Variants in C10orf143 observed in about 807,000 individuals in gnomAD.
The protein encoded by C10orf143 is uncharacterized protein C10orf143.
chr10:130,045,553 G>T (rs1040363564), intron 3 of C10orf143, among the ~76,000 whole-genome samples: 1 of 152,216 alleles, frequency 6.6e-6, no homozygotes, highest in African/African-American at 2.4e-5. Context: ...ACCGCGAGGC[G>T]CCCCTGGGAG....
intron 3 of C10orf143, among the ~76,000 whole-genome samples, chr10:130,052,533 T>C (rs1204599025): frequency 6.6e-6 from 1 of 152,166 alleles, no homozygotes; most frequent in African/African-American, 2.4e-5. Context: ...AGACCAGCTT[T>C]GAGGAGGCTG....
chr10:130,094,683 A>T (rs1861435885), intron 1 of C10orf143, among the ~76,000 whole-genome samples: 1 of 152,216 alleles, frequency 6.6e-6, no homozygotes, highest in Non-Finnish European at 1.5e-5. Context: ...CCAGCCCTTC[A>T]TGCTAAAAAC....
chr10:130,082,608 G>T (rs575677592), intron 1 of C10orf143, among the ~76,000 whole-genome samples: 1 of 152,164 alleles, frequency 6.6e-6, no homozygotes. Flanking sequence ...CTGCTGCCAC[G>T]TAAGACGTGC....
chr10:130,076,332 C>T (rs1167022527), intron 3 of C10orf143, among the ~76,000 whole-genome samples: 1 of 152,170 alleles, frequency 6.6e-6, no homozygotes, highest in Non-Finnish European at 1.5e-5. Context: ...ATTCCTGTGT[C>T]CCACCAATGC....
At chr10:130,046,350 A>C (rs1190232620) in intron 3 of C10orf143, among the ~76,000 whole-genome samples, 1 of 151,892 alleles carries the variant, frequency 6.6e-6, no homozygotes, top group South Asian at 2.1e-4. Flanking sequence ...TCCCCCGCCC[A>C]GCGCCTCCCC....
intron 1 of C10orf143, among the ~76,000 whole-genome samples, chr10:130,099,372 G>A (rs2078291872): frequency 6.6e-6 from 1 of 152,100 alleles, no homozygotes; most frequent in South Asian, 2.1e-4. Flanking sequence ...CAAAATGAGG[G>A]CTTCTGTCAG....
chr10:130,107,113 G>T (rs780543296), intron 1 of C10orf143: 1 of 1,601,532 alleles, frequency 6.2e-7, no homozygotes, highest in South Asian at 1.1e-5. Flanking sequence ...AAAATCTTCG[G>T]ACTGAACAAG....
At chr10:130,054,903 A>C (rs1860778362) in intron 3 of C10orf143, among the ~76,000 whole-genome samples, 1 of 152,234 alleles carries the variant, frequency 6.6e-6, no homozygotes, top group Admixed American at 6.5e-5. Flanking sequence ...AAATAAATCC[A>C]ACCATATATG....
downstream of C10orf143, among the ~76,000 whole-genome samples, chr10:130,062,364 C>T (rs769079318): frequency 2.6e-4 from 40 of 152,104 alleles, no homozygotes; most frequent in African/African-American, 9.4e-4. Context: ...AGTCAGTGGA[C>T]TGGGAGAGGC....
chr10:130,088,757 T>C (rs1009162892), intron 1 of C10orf143, among the ~76,000 whole-genome samples: 1 of 152,210 alleles, frequency 6.6e-6, no homozygotes, highest in Non-Finnish European at 1.5e-5. Context: ...GCGCCACAGA[T>C]TGCCATTTAG....
chr10:130,097,015 C>A (rs1003100), intron 1 of C10orf143, among the ~76,000 whole-genome samples: 1 of 149,414 alleles, frequency 6.7e-6, no homozygotes, highest in Admixed American at 6.7e-5. Flanking sequence ...GGCTGGAGTG[C>A]AGTGGCGTGA....
At chr10:130,045,517 G>A (rs1590002780) in intron 3 of C10orf143, among the ~76,000 whole-genome samples, 1 of 152,296 alleles carries the variant, frequency 6.6e-6, no homozygotes, top group East Asian at 1.9e-4. Flanking sequence ...CCCCCAGGAC[G>A]CCCCCCGCGA....
chr10:130,100,088 A>T (rs1861524309), intron 1 of C10orf143, among the ~76,000 whole-genome samples: 1 of 151,670 alleles, frequency 6.6e-6, no homozygotes, highest in Non-Finnish European at 1.5e-5. Flanking sequence ...CACCCAACAC[A>T]GCCTCCCAAA....
intron 3 of C10orf143, among the ~76,000 whole-genome samples, chr10:130,042,670 G>A (rs897090350): frequency 2.0e-5 from 3 of 152,150 alleles, no homozygotes; most frequent in East Asian, 3.9e-4. Flanking sequence ...CCACCTCTCC[G>A]TCCTTTGATC....
chr10:130,082,067 C>T (rs1036338165), intron 1 of C10orf143, among the ~76,000 whole-genome samples: 3 of 151,868 alleles, frequency 2.0e-5, no homozygotes, highest in African/African-American at 7.3e-5. Context: ...CACAAGGAGA[C>T]AAACAGACCA....
intron 3 of C10orf143, chr10:130,066,538 T>G (rs1428392952): frequency 1.3e-5 from 2 of 152,298 alleles, no homozygotes; most frequent in East Asian, 1.9e-4. Flanking sequence ...GAAATTGCTC[T>G]TTAGACCTTT....
At chr10:130,088,934 C>T (rs1861336554) in intron 1 of C10orf143, among the ~76,000 whole-genome samples, 3 of 152,182 alleles carry the variant, frequency 2.0e-5, no homozygotes, top group Non-Finnish European at 4.4e-5. Context: ...ATTACCAGGG[C>T]ACACTGGGGC....
At position 130,065,043 on chromosome 10, in the gene C10orf143, C is replaced by G. The variant is rs1860908569; in HGVS notation, c.298-660G>C. ...ACAGGCAGAGACAGGCACAGCCTCC[C>G]TGTCCTGAAAGGACTCCACCATCAG... On this transcript the variant is annotated intron_variant, in intron 3 of 3. Coordinates refer to ENST00000637128, the MANE Select transcript of C10orf143 (RefSeq NM_001355042.2). The surrounding 1 kb of genome is among the most constrained non-coding windows in gnomAD (Gnocchi z 4.2). 1.3e-5 allele frequency: 2 copies of G among 152,366 alleles called. No homozygotes were observed. The highest frequency in any genetic ancestry group is 2.4e-5 in the African/African-American group (1 of 41,482). 9.4% of individuals were successfully genotyped at this position (152,366 alleles called of 1,614,324 possible).
In C10orf143 at chr10:130,065,218, G is replaced by A. The variant is rs1860911634; in HGVS notation, c.298-835C>T. 1 of 152,266 alleles carries A rather than the reference G, an allele frequency of 6.6e-6. No individual in the cohort carries two copies. Among genetic ancestry groups the A allele is most frequent in the African/African-American group, 2.4e-5 (1 of 41,442 alleles). The allele number at this position is 152,266 out of a possible 1,614,324, so 9.4% of individuals were successfully genotyped here. A position where few individuals can be genotyped will look rare whatever the true frequency, so the allele number is the denominator to read the frequency against. ...ACAGGGACCAGACAGGAGAGACTCT[G>A]AACTTGCCTGGAGGGATTATCAGAC... On this transcript the variant is annotated intron_variant, in intron 3 of 3. Transcript: ENST00000637128. This position sits in a 1 kb window ranked among gnomAD's most constrained non-coding sequence, Gnocchi z 4.2.
Sources: gnomAD v4.1 joint callset for allele counts (sites outside exome capture counted in the v4.1 genomes callset) on GRCh38, gnomAD v4.1.1 for gene constraint, Gnocchi (gnomAD v3.1) non-coding constraint, MANE v1.5 for transcripts, NCBI Gene and HGNC (gene_info 2026-07-23, HGNC 2026-07-21) for gene names.